Variants in SCO1 observed in about 807,000 individuals in gnomAD.
SCO1 encodes the protein synthesis of cytochrome C oxidase 1.
Under a neutral mutation model 34.0 loss-of-function variants are expected in SCO1, and 23 were observed. The ratio of observed to expected loss-of-function variants is 0.68; its 90% CI spans 0.49 to 0.96. SCO1 has a LOEUF of 0.96. SCO1 is among the 40% of genes least tolerant of loss of function. The pLI is 0.00. For synonymous variants in SCO1, 161 were observed against 145.5 expected (o/e 1.11, Z -0.77); for missense variants, 404 against 381.6 (o/e 1.06, Z -0.49).
intron 1 of SCO1, 48 bp from the exon 2 acceptor site, chr17:10,695,879 C>G: frequency 7.5e-7 from 1 of 1,339,040 alleles, no homozygotes; most frequent in Non-Finnish European, 1.1e-6. Context: ...AAGATGCAAA[C>G]ATTTAACCAT....
At chr17:10,688,308 C>G (rs914902539) in intron 4 of SCO1, among the ~76,000 whole-genome samples, 1 of 152,074 alleles carries the variant, frequency 6.6e-6, no homozygotes, top group African/African-American at 2.4e-5. Flanking sequence ...AATGTGAAAA[C>G]AAAGAACTCC....
rs1166921146 is a variant in SCO1 at position 10,677,877 on chromosome 17, G to A, written c.*3242C>T. On this transcript the variant is annotated 3_prime_UTR_variant, in exon 6 of 6. Coordinates refer to ENST00000255390, the MANE Select transcript of SCO1 (RefSeq NM_004589.4). ...CACACCTGTAATCCCAGCACTTTGG[G>A]AGGCCGAGGCGGCGGATCACCTGAG... The A allele has an allele frequency of 1.3e-5, 2 of 152,288 alleles. No homozygotes were observed. Among genetic ancestry groups the A allele is most frequent in the Admixed American group, 6.5e-5 (1 of 15,276 alleles). The allele number at this position is 152,288 out of a possible 1,614,324, so 9.4% of individuals were successfully genotyped here. A position where few individuals can be genotyped will look rare whatever the true frequency, so the allele number is the denominator to read the frequency against.
In SCO1 at chr17:10,677,255, C is replaced by T; in HGVS notation, c.*3864G>A. ...CTGGGAGGCGGAGGTTGCAGTGAGC[C>T]AAGATTATGCCATTATTGCATTCCA... On this transcript the variant is annotated 3_prime_UTR_variant, in exon 6 of 6. Coordinates refer to ENST00000255390, the MANE Select transcript of SCO1 (RefSeq NM_004589.4). The T allele has an allele frequency of 6.6e-6, 1 of 152,176 alleles. No individual in the cohort carries two copies. The allele number at this position is 152,176 out of a possible 1,614,324, so 9.4% of individuals were successfully genotyped here.
At chr17:10,695,172 G>C (rs1027030505) in intron 2 of SCO1, among the ~76,000 whole-genome samples, 1 of 152,074 alleles carries the variant, frequency 6.6e-6, no homozygotes, top group Non-Finnish European at 1.5e-5. Flanking sequence ...GTATCTACTC[G>C]CACTATGCTC....
At chr17:10,681,841 T>G (rs1215808620) in intron 5 of SCO1, among the ~76,000 whole-genome samples, 1 of 152,218 alleles carries the variant, frequency 6.6e-6, no homozygotes, top group Non-Finnish European at 1.5e-5. Flanking sequence ...TTAAATAATC[T>G]ATAAATTTGA....
At chr17:10,695,879 CA>C in intron 1 of SCO1, 48 bp from the exon 2 acceptor site, 2 of 1,339,040 alleles carry the variant, frequency 1.5e-6, no homozygotes, top group Non-Finnish European at 2.1e-6. Context: ...AAGATGCAAA[CA>C]TTTAACCATA....
At chr17:10,686,650 A>T in intron 5 of SCO1, 77 bp downstream of exon 5, 1 of 880,100 alleles carries the variant, frequency 1.1e-6, no homozygotes, top group Non-Finnish European at 2.0e-6. Context: ...CTCAGAAGCT[A>T]GTCAGTCATT....
chr17:10,697,344 G>A lies in SCO1; in HGVS notation c.164C>T (p.Ser55Leu), dbSNP rs771265237. Residue 55 changes from serine (S) to leucine (L), a missense_variant, in exon 1 of 6, where the codon TCG (serine) becomes TTG (leucine). Ser to Leu is a moderately radical substitution (Grantham distance 145). Transcript: ENST00000255390. ...TCCCAGGCAATAGCCAGGGCGCCCC[G>A]AGGCACGCCACGCCTCCGCTTGCCG... The part of the protein sequence containing the change: ...CARQAEAWRA[S>L]GRPGYCLGTR... 2.5e-6 allele frequency: 4 copies of A among 1,579,494 alleles called. No homozygotes were observed. Among genetic ancestry groups the A allele is most frequent in the East Asian group, 2.3e-5 (1 of 42,820 alleles).
At position 10,675,535 on chromosome 17, in the gene SCO1, T is replaced by C. The variant is rs984095736; in HGVS notation, c.*5584A>G. On this transcript the variant is annotated 3_prime_UTR_variant, in exon 6 of 6. Transcript: ENST00000255390. ...TCAAAGTTTAATATGTTTTTATGTA[T>C]GTAAATCATCACCCAGATCAAGCTA... is the stretch of plus-strand genomic sequence containing the variant. The C allele has an allele frequency of 2.0e-5, 3 of 152,182 alleles. No homozygotes were observed. Among genetic ancestry groups the C allele is most frequent in the African/African-American group, 4.8e-5 (2 of 41,440 alleles). 9.4% of individuals were successfully genotyped at this position (152,182 alleles called of 1,614,324 possible). A position where few individuals can be genotyped will look rare whatever the true frequency, so the allele number is the denominator to read the frequency against.
chr17:10,677,375 A>G lies in SCO1; in HGVS notation c.*3744T>C, dbSNP rs1408971746. The G allele has an allele frequency of 6.6e-6, 1 of 152,184 alleles. No individual in the cohort carries two copies. Among genetic ancestry groups the G allele is most frequent in the Non-Finnish European group, 1.5e-5 (1 of 68,028 alleles). The allele number at this position is 152,184 out of a possible 1,614,324, so 9.4% of individuals were successfully genotyped here. On this transcript the variant is annotated 3_prime_UTR_variant, in exon 6 of 6. Transcript: ENST00000255390. ...AAAAGTACAAACTAATTGGGTAACA[A>G]ATGCTCGCATGGGTGACTGCTCTTT...
intron 3 of SCO1, among the ~76,000 whole-genome samples, chr17:10,692,402 C>G (rs964156158): frequency 2.0e-5 from 3 of 152,178 alleles, no homozygotes; most frequent in Non-Finnish European, 4.4e-5. Flanking sequence ...TTCCTTCTTA[C>G]TAGTACTAGT....
Position 10,676,554 on chromosome 17 carries a change from A to G in SCO1, c.*4565T>C, listed in dbSNP as rs2074582257. The G allele has an allele frequency of 1.3e-5, 2 of 152,192 alleles. No individual in the cohort carries two copies. Among genetic ancestry groups the G allele is most frequent in the African/African-American group, 4.8e-5 (2 of 41,446 alleles). The allele number at this position is 152,192 out of a possible 1,614,324, so 9.4% of individuals were successfully genotyped here. A position where few individuals can be genotyped will look rare whatever the true frequency, so the allele number is the denominator to read the frequency against. On this transcript the variant is annotated 3_prime_UTR_variant, in exon 6 of 6. Coordinates refer to ENST00000255390, the MANE Select transcript of SCO1 (RefSeq NM_004589.4). The stretch of plus-strand genomic sequence containing the variant: ...ATTAGTTAACTATTCTACTTTTTGA[A>G]TAAGTTTCCAAATTTTCACAATAAA...
intron 3 of SCO1, among the ~76,000 whole-genome samples, chr17:10,692,526 G>A (rs1181690948): frequency 6.6e-6 from 1 of 152,190 alleles, no homozygotes; most frequent in Non-Finnish European, 1.5e-5. Flanking sequence ...CAAAAGTAGA[G>A]TTAAGGGAGA....
chr17:10,684,526 T>C (rs1172496782), intron 5 of SCO1, among the ~76,000 whole-genome samples: 3 of 152,238 alleles, frequency 2.0e-5, no homozygotes, highest in Non-Finnish European at 4.4e-5. Context: ...GCAAAATCTC[T>C]TGTCAATGTA....
Position 10,682,425 on chromosome 17 carries a change from G to T in SCO1, c.772-1172C>A, listed in dbSNP as rs137866066. 6.5e-3 allele frequency among the ~76,000 whole-genome samples: 983 copies of T among 152,222 alleles called. 6 individuals carry two copies. Among genetic ancestry groups the T allele is most frequent in the Non-Finnish European group, 0.01 (710 of 68,012 alleles). On this transcript the variant is annotated intron_variant, in intron 5 of 5. Coordinates refer to ENST00000255390, the MANE Select transcript of SCO1 (RefSeq NM_004589.4). Reference sequence around the variant, plus strand: ...GGATAGTTCACCGCAGGAGCAAGACGGGGGGCTACGTTTCTCCACATATTT... The same window carrying T: ...GGATAGTTCACCGCAGGAGCAAGACTGGGGGCTACGTTTCTCCACATATTT...
intron 5 of SCO1, among the ~76,000 whole-genome samples, chr17:10,683,181 G>A (rs2063269): frequency 0.039 from 5,967 of 151,900 alleles, 387 homozygotes; most frequent in African/African-American, 0.13. Flanking sequence ...GTATCCTTCC[G>A]AAGAAATTCT....
chr17:10,694,530 A>G (rs1425603688), intron 2 of SCO1, among the ~76,000 whole-genome samples: 1 of 152,198 alleles, frequency 6.6e-6, no homozygotes, highest in Non-Finnish European at 1.5e-5. Context: ...TGATGGTTGT[A>G]TTGTGGTTAT....
In SCO1 at chr17:10,679,303, C is replaced by T. The variant is rs1043341695; in HGVS notation, c.*1816G>A. The T allele has an allele frequency of 6.6e-6, 1 of 152,192 alleles. No individual in the cohort carries two copies. Among genetic ancestry groups the T allele is most frequent in the African/African-American group, 2.4e-5 (1 of 41,456 alleles). 9.4% of individuals were successfully genotyped at this position (152,192 alleles called of 1,614,324 possible). ...AGAATTAGGGCCAACCTAGCAGCCT[C>T]ATTTTAATTTAACTATCTCTCTAAA... On this transcript the variant is annotated 3_prime_UTR_variant, in exon 6 of 6. Coordinates refer to ENST00000255390, the MANE Select transcript of SCO1 (RefSeq NM_004589.4).
At chr17:10,693,166 G>T (rs576566153) in intron 2 of SCO1, among the ~76,000 whole-genome samples, 1 of 152,250 alleles carries the variant, frequency 6.6e-6, no homozygotes, top group East Asian at 1.9e-4. Context: ...GAAATGCTAT[G>T]GTATGTTGTA....
Sources: allele counts gnomAD v4.1 joint callset (sites outside exome capture counted in the v4.1 genomes callset), GRCh38; gene constraint gnomAD v4.1.1; transcripts MANE v1.5; gene names NCBI Gene and HGNC (gene_info 2026-07-23, HGNC 2026-07-21).